CCDC141: variants seen among roughly 807,000 people sequenced by gnomAD.
CCDC141 encodes the protein coiled-coil domain-containing protein 141.
CCDC141 carries 168 observed loss-of-function variants against 181.0 expected under a neutral mutation model. That is an observed-to-expected ratio of 0.93 (90% CI 0.82 to 1.05). The LOEUF is 1.05. CCDC141 is among the 50% of genes least tolerant of loss of function. CCDC141 has a pLI of 0.00. For missense variants in CCDC141, 1,902 were observed against 1,788.5 expected, an observed-to-expected ratio of 1.06 and a Z score of -1.14; for synonymous variants, 666 against 642.3, an observed-to-expected ratio of 1.04 and a Z score of -0.56.
chr2:179,042,281 A>G (rs186318390), intron 2 of CCDC141, among the ~76,000 whole-genome samples: 1 of 152,350 alleles, frequency 6.6e-6, no homozygotes, highest in East Asian at 1.9e-4. Flanking sequence ...ATACAACTAA[A>G]TGAAAATTGA....
chr2:178,840,675 A>C (rs1684682896), intron 22 of CCDC141, among the ~76,000 whole-genome samples: 2 of 152,170 alleles, frequency 1.3e-5, no homozygotes, highest in African/African-American at 4.8e-5. Flanking sequence ...GTACATATTT[A>C]ATCTATTTAA....
chr2:178,970,213 TTC>T lies in CCDC141; in HGVS notation c.526+4842_526+4843del, dbSNP rs527331551. On this transcript the variant is annotated intron_variant, in intron 4 of 23. Coordinates refer to ENST00000443758, the MANE Select transcript of CCDC141 (RefSeq NM_173648.4). ...CATACTGCCCAAAGTAATTTATAGA[TTC>T]AATGCTATCCTCATCAAGCTACCAC... 1.5e-4 allele frequency among the ~76,000 whole-genome samples: 23 copies of T among 152,312 alleles called. No homozygotes were observed. In the South Asian group the frequency reaches 2.3e-3, roughly 15 times the overall value.
chr2:179,002,553 G>A, intron 2 of CCDC141: 2 of 350,670 alleles, frequency 5.7e-6, no homozygotes, highest in Non-Finnish European at 5.5e-6. Flanking sequence ...AAGAAGGTAA[G>A]CCTAGGACCA....
chr2:178,959,075 T>C (rs1359889751), intron 5 of CCDC141, among the ~76,000 whole-genome samples: 3 of 150,090 alleles, frequency 2.0e-5, no homozygotes, highest in African/African-American at 4.9e-5. Flanking sequence ...TTCTCACTCA[T>C]AGGTGGGAAC....
intron 2 of CCDC141, among the ~76,000 whole-genome samples, chr2:179,015,093 T>TAC (rs1236700384): frequency 2.4e-5 from 1 of 41,994 alleles, no homozygotes; most frequent in Non-Finnish European, 5.4e-5. Context: ...TATATATATA[T>TAC]ATATATATAT....
chr2:178,895,022 C>T (rs745449840), intron 8 of CCDC141, among the ~76,000 whole-genome samples: 4 of 152,056 alleles, frequency 2.6e-5, no homozygotes, highest in Non-Finnish European at 4.4e-5. Flanking sequence ...TGGCCCTCCT[C>T]ACCTACTCTA....
intron 2 of CCDC141, among the ~76,000 whole-genome samples, chr2:178,989,915 G>A (rs188583841): frequency 0.047 from 6,993 of 149,832 alleles, 210 homozygotes; most frequent in South Asian, 0.078. Flanking sequence ...TGAGGCAGGC[G>A]GATCACCTGA....
intron 6 of CCDC141, among the ~76,000 whole-genome samples, chr2:178,925,576 G>A (rs1184645828): frequency 1.3e-5 from 2 of 152,138 alleles, no homozygotes; most frequent in Non-Finnish European, 2.9e-5. Context: ...GAATTCTGGG[G>A]AAAATATTCC....
chr2:178,921,262 T>C (rs993070840), intron 6 of CCDC141, among the ~76,000 whole-genome samples: 22 of 152,258 alleles, frequency 1.4e-4, no homozygotes, highest in Non-Finnish European at 1.3e-4. Flanking sequence ...TTATTACCGT[T>C]ACCACTTAAA....
intron 2 of CCDC141, chr2:179,002,138 C>T: frequency 4.6e-6 from 1 of 215,628 alleles, no homozygotes; most frequent in Non-Finnish European, 9.2e-6. Flanking sequence ...CTTTTTATGA[C>T]AAGCACATGG....
At position 178,886,832 on chromosome 2, in the gene CCDC141, T is replaced by C; in HGVS notation, c.1447A>G (p.Asn483Asp). ...CGGGTAGAACCAACATCCATTGCAT[T>C]AGAAAGTACTGGACTGATTTTCTGA... ...SIQKISPVLS[N>D]AMDVGSTRSE... Residue 483 changes from asparagine (N) to aspartate (D), a missense_variant, in exon 10 of 24, where the codon AAT becomes GAT. Coordinates refer to ENST00000443758, the MANE Select transcript of CCDC141 (RefSeq NM_173648.4). The C allele has an allele frequency of 3.4e-6, 5 of 1,467,932 alleles. No homozygotes were observed. The highest frequency in any genetic ancestry group is 2.9e-5 in the Admixed American group (1 of 34,786). The allele number at this position is 1,467,932 out of a possible 1,614,324, so 90.9% of individuals were successfully genotyped here. A position where few individuals can be genotyped will look rare whatever the true frequency, so the allele number is the denominator to read the frequency against.
chr2:178,930,132 T>C (rs1553485628), intron 6 of CCDC141, among the ~76,000 whole-genome samples: 1 of 151,160 alleles, frequency 6.6e-6, no homozygotes, highest in Non-Finnish European at 1.5e-5. Context: ...AAATCAACGT[T>C]AAAAAAAAAT....
At chr2:178,822,833 A>G in the CCDC141 span, among the ~76,000 whole-genome samples, 1 of 152,178 alleles carries the variant, frequency 6.6e-6, no homozygotes, top group Non-Finnish European at 1.5e-5. Context: ...ATTGTAATTT[A>G]TTTTCAGTAA....
intron 22 of CCDC141, among the ~76,000 whole-genome samples, chr2:178,844,930 A>C (rs1226652284): frequency 6.6e-6 from 1 of 152,226 alleles, no homozygotes; most frequent in African/African-American, 2.4e-5. Context: ...GCAGCTGTGA[A>C]TAGAGAGTGA....
chr2:178,894,819 A>G (rs1434357342), intron 8 of CCDC141, among the ~76,000 whole-genome samples: 1 of 152,136 alleles, frequency 6.6e-6, no homozygotes, highest in African/African-American at 2.4e-5. Context: ...GAGAAAAAAA[A>G]GGTAATAGCA....
chr2:178,949,532 C>A (rs1241565418), intron 5 of CCDC141, among the ~76,000 whole-genome samples: 1 of 152,150 alleles, frequency 6.6e-6, no homozygotes, highest in African/African-American at 2.4e-5. Flanking sequence ...AGAAAGGATT[C>A]TGGAGAAGAG....
the CCDC141 span, among the ~76,000 whole-genome samples, chr2:178,818,413 C>T: frequency 3.3e-5 from 5 of 152,030 alleles, no homozygotes; most frequent in Admixed American, 1.3e-4. Context: ...ATTAGCTATT[C>T]ATCCTGATGC....
intron 2 of CCDC141, among the ~76,000 whole-genome samples, chr2:179,016,560 G>A (rs898671741): frequency 1.2e-4 from 18 of 151,992 alleles, no homozygotes; most frequent in Admixed American, 3.3e-4. Flanking sequence ...CAGGAGTCAC[G>A]TCATAATCAT....
chr2:179,015,924 C>G (rs1385690615), intron 2 of CCDC141, among the ~76,000 whole-genome samples: 1 of 115,858 alleles, frequency 8.6e-6, no homozygotes, highest in South Asian at 2.5e-4. Context: ...TCATATATAT[C>G]ATATAATTTC....
Sources: gnomAD v4.1 joint callset for allele counts (sites outside exome capture counted in the v4.1 genomes callset) on GRCh38, gnomAD v4.1.1 for gene constraint, MANE v1.5 for transcripts, NCBI Gene and HGNC (gene_info 2026-07-23, HGNC 2026-07-21) for gene names.